ATP13A3: variants seen among roughly 807,000 people sequenced by gnomAD.
The protein encoded by ATP13A3 is ATPase 13A3.
A neutral mutation model predicts 158.1 loss-of-function variants in ATP13A3; 59 were observed. That is an observed-to-expected ratio of 0.37 (90% CI 0.30 to 0.46). ATP13A3 has a LOEUF of 0.46. Ranked by LOEUF, ATP13A3 falls within the 20% of genes least tolerant of loss-of-function variation. The probability of loss-of-function intolerance (pLI) is 1.00; values close to 1 mark genes in which losing one functional copy is unlikely to be tolerated. For synonymous variants in ATP13A3, 491 were observed against 504.3 expected, an observed-to-expected ratio of 0.97 and a Z score of 0.35; for missense variants, 1,166 against 1,525.2, an observed-to-expected ratio of 0.76 and a Z score of 3.92.
chr3:194,430,791 G>A (rs571125980), intron 24 of ATP13A3, 152 bp downstream of exon 24: 276 of 527,944 alleles, frequency 5.2e-4, no homozygotes, highest in African/African-American at 2.6e-3. Flanking sequence ...CTTTTAAAGC[G>A]GCACTTAAAG....
At chr3:194,422,584 G>A (rs1014553578) in intron 30 of ATP13A3, among the ~76,000 whole-genome samples, 12 of 152,216 alleles carry the variant, frequency 7.9e-5, no homozygotes, top group African/African-American at 2.9e-4. Context: ...AAAGTATATA[G>A]CAACATGTAA....
chr3:194,474,873 A>G (rs1242819318), intron 2 of ATP13A3, among the ~76,000 whole-genome samples: 1 of 152,242 alleles, frequency 6.6e-6, no homozygotes, highest in Non-Finnish European at 1.5e-5. Flanking sequence ...CACACTGGCC[A>G]CACCGCTCAG....
chr3:194,434,782 T>C (rs1158104283), intron 20 of ATP13A3, among the ~76,000 whole-genome samples: 1 of 152,076 alleles, frequency 6.6e-6, no homozygotes, highest in Non-Finnish European at 1.5e-5. Context: ...TAGCTGGGCA[T>C]GATGACATGT....
chr3:194,406,182 G>T (rs1714917093), intron 33 of ATP13A3, 66 bp from the exon 34 acceptor site: 5 of 1,525,636 alleles, frequency 3.3e-6, no homozygotes, highest in South Asian at 1.2e-5. Context: ...GTTTTAAACA[G>T]GTTTGTTAAA....
In ATP13A3 at chr3:194,444,799, A is replaced by C. The variant is rs776942022; in HGVS notation, c.1498-13T>G. 2.3e-5 allele frequency: 36 copies of C among 1,588,220 alleles called. No individual in the cohort carries two copies. Among genetic ancestry groups the C allele is most frequent in the African/African-American group, 4.1e-5 (3 of 73,082 alleles). On this transcript the variant is annotated splice_polypyrimidine_tract_variant and intron_variant, in intron 14 of 33. Transcript: ENST00000645319. ...TTAGAGTTCCAGTCTAAAAAACAAAAAAGCACACATGCACAAAGTATGGAT... is the reference window on the plus strand; with the variant it reads ...TTAGAGTTCCAGTCTAAAAAACAAACAAGCACACATGCACAAAGTATGGAT...
chr3:194,459,957 C>A lies in ATP13A3; in HGVS notation c.240G>T (p.Met80Ile). The A allele has an allele frequency of 1.2e-6, 2 of 1,612,416 alleles. No homozygotes were observed. Among genetic ancestry groups the A allele is most frequent in the Non-Finnish European group, 1.7e-6 (2 of 1,179,042 alleles). The change falls in exon 5 of 34, where the codon ATG (methionine) becomes ATT (isoleucine). Residue 80 changes from methionine (M) to isoleucine (I), a missense_variant. Met to Ile is a conservative substitution (Grantham distance 10). Around this residue, in one of 3 missense-constraint regions of ATP13A3, gnomAD observed 104 missense variants for 91.7 expected, o/e 1.13. Coordinates refer to ENST00000645319, the MANE Select transcript of ATP13A3 (RefSeq NM_001367549.1). ...GAACGCGAATTTTTGCACAAAACCA[C>A]ATTTTGAATTCATCCTTAAAGAGAG... The part of the protein sequence containing the change: ...VLLRTTDEFK[M>I]WFCAKIRVLS...
intron 1 of ATP13A3, among the ~76,000 whole-genome samples, chr3:194,486,278 A>G (rs889933954): frequency 3.3e-5 from 5 of 151,820 alleles, no homozygotes; most frequent in Admixed American, 2.0e-4. Flanking sequence ...TGCCCACAGG[A>G]CCTCCACCTC....
chr3:194,442,456 A>T (rs909949797), intron 15 of ATP13A3, among the ~76,000 whole-genome samples: 1 of 152,204 alleles, frequency 6.6e-6, no homozygotes, highest in Admixed American at 6.5e-5. Context: ...AAAATAAAAA[A>T]ATAAAGAATC....
At position 194,405,639 on chromosome 3, in the gene ATP13A3, T is replaced by C; in HGVS notation, c.*280A>G. 1 of 350,962 alleles carries C rather than the reference T, an allele frequency of 2.8e-6. No individual in the cohort carries two copies. Among genetic ancestry groups the C allele is most frequent in the Non-Finnish European group, 5.3e-6 (1 of 189,422 alleles). 21.7% of individuals were successfully genotyped at this position (350,962 alleles called of 1,614,324 possible). ...CTTCTCCTGTACCCAATATAAAGAA[T>C]ATCACTGAAAGTAACAATCAAGAAA... is the stretch of plus-strand genomic sequence containing the variant. On this transcript the variant is annotated 3_prime_UTR_variant, in exon 34 of 34. Transcript: ENST00000645319.
chr3:194,438,498 G>GA (rs1428092809), intron 17 of ATP13A3, among the ~76,000 whole-genome samples: 2 of 152,206 alleles, frequency 1.3e-5, no homozygotes, highest in African/African-American at 4.8e-5. Flanking sequence ...AAACAGGAAA[G>GA]AAAAGTGATA....
chr3:194,412,123 C>T (rs540109973), intron 33 of ATP13A3, 76 bp downstream of exon 33: 27 of 1,175,670 alleles, frequency 2.3e-5, no homozygotes, highest in East Asian at 5.1e-5. Flanking sequence ...AACAAGAACA[C>T]GCTAGAGAAT....
Position 194,404,106 on chromosome 3 carries a change from T to C in ATP13A3, c.*1813A>G, listed in dbSNP as rs1298594078. ...ATAACACGAGCATATTTGAAATTAA[T>C]ATGGAAATTATAAAATGATCCAGAG... is the stretch of plus-strand genomic sequence containing the variant. On this transcript the variant is annotated 3_prime_UTR_variant, in exon 34 of 34. Transcript: ENST00000645319. 6.7e-6 allele frequency: 3 copies of C among 450,384 alleles called. No homozygotes were observed. Among genetic ancestry groups the C allele is most frequent in the Non-Finnish European group, 1.3e-5 (3 of 225,578 alleles). The allele number at this position is 450,384 out of a possible 1,614,324, so 27.9% of individuals were successfully genotyped here. A position where few individuals can be genotyped will look rare whatever the true frequency, so the allele number is the denominator to read the frequency against.
intron 15 of ATP13A3, among the ~76,000 whole-genome samples, chr3:194,443,038 T>TAA (rs11426254): frequency 1.6e-4 from 23 of 140,826 alleles, no homozygotes; most frequent in East Asian, 8.1e-4. Flanking sequence ...TGCTTTCACT[T>TAA]AAAAAAAAAA....
intron 24 of ATP13A3, 130 bp downstream of exon 24, chr3:194,430,813 C>T: frequency 1.5e-6 from 1 of 662,402 alleles, no homozygotes; most frequent in Non-Finnish European, 2.3e-6. Flanking sequence ...TCTGAACTAT[C>T]TTATAGATCA....
In ATP13A3 at chr3:194,483,969, T is replaced by C. The variant is rs576545335; in HGVS notation, c.-47+1825A>G. Among the ~76,000 whole-genome samples, 170 of 152,288 alleles carry C rather than the reference T, an allele frequency of 1.1e-3. 2 individuals carry two copies. The South Asian group carries it at 0.034, about 30-fold the overall frequency. On this transcript the variant is annotated intron_variant, in intron 2 of 33. Transcript: ENST00000645319. ...ATATTTGAATGGATGATAAATGGAATAGGAGTTGGCAGCTTATCACCTATC... is the reference window on the plus strand; with the variant it reads ...ATATTTGAATGGATGATAAATGGAACAGGAGTTGGCAGCTTATCACCTATC...
rs1386913589 is a variant in ATP13A3, at chr3:194,447,031, C to A, written c.1393G>T (p.Gly465Cys). 1 of 1,613,342 alleles carries A rather than the reference C, an allele frequency of 6.2e-7. No homozygotes were observed. Among genetic ancestry groups the A allele is most frequent in the Non-Finnish European group, 8.5e-7 (1 of 1,179,782 alleles). Residue 465 changes from glycine to cysteine, a missense_variant, in exon 14 of 34, where the codon GGT becomes TGT. Physicochemically the swap from Gly to Cys is radical, Grantham distance 159. Around this residue, in one of 3 missense-constraint regions of ATP13A3, gnomAD observed 997 missense variants for 1,341.2 expected, o/e 0.74. Coordinates refer to ENST00000645319, the MANE Select transcript of ATP13A3 (RefSeq NM_001367549.1). ...PPALPAAMTAGIVYAQRRLKK... is the reference protein window; with the variant it reads ...PPALPAAMTACIVYAQRRLKK... The stretch of plus-strand genomic sequence containing the variant: ...AGTCTTCTCTGAGCATACACAATAC[C>A]AGCAGTCATTGCAGCAGGAAGTGCA...
chr3:194,450,406 C>T, intron 10 of ATP13A3, 130 bp from the exon 11 acceptor site: 2 of 875,778 alleles, frequency 2.3e-6, no homozygotes, highest in Non-Finnish European at 1.7e-6. Context: ...AAAAATCCAA[C>T]AAATGGCAAG....
At chr3:194,489,076 A>C (rs779240307), upstream of ATP13A3, among the ~76,000 whole-genome samples, 3 of 152,208 alleles carry the variant, frequency 2.0e-5, no homozygotes, top group Non-Finnish European at 1.5e-5. The surrounding 1 kb of genome is among the most constrained non-coding windows in gnomAD (Gnocchi z 4.1). Flanking sequence ...GGAATGAGTG[A>C]GTCATTCTTA....
At position 194,405,616 on chromosome 3, in the gene ATP13A3, TCTC is replaced by T. The variant is rs1714877301; in HGVS notation, c.*300_*302del. 2 of 252,162 alleles carry T rather than the reference TCTC, an allele frequency of 7.9e-6. No homozygotes were observed. Among genetic ancestry groups the T allele is most frequent in the Non-Finnish European group, 1.5e-5 (2 of 130,324 alleles). The allele number at this position is 252,162 out of a possible 1,614,324, so 15.6% of individuals were successfully genotyped here. A position where few individuals can be genotyped will look rare whatever the true frequency, so the allele number is the denominator to read the frequency against. On this transcript the variant is annotated 3_prime_UTR_variant, in exon 34 of 34. Transcript: ENST00000645319. ...TGAAAAACCTACCAAACACCAAACTTCTCCTGTACCCAATATAAAGAATATCAC... is the reference window on the plus strand; with the variant it reads ...TGAAAAACCTACCAAACACCAAACTTCTGTACCCAATATAAAGAATATCAC...
Sources: gnomAD v4.1 joint callset for allele counts (sites outside exome capture counted in the v4.1 genomes callset) on GRCh38, gnomAD v4.1.1 for gene constraint, gnomAD v4.1.1 regional missense constraint, Gnocchi (gnomAD v3.1) non-coding constraint, MANE v1.5 for transcripts, NCBI Gene and HGNC (gene_info 2026-07-23, HGNC 2026-07-21) for gene names.